The following ZNF423 variants were observed in gnomAD, a reference collection of about 807,000 sequenced individuals.
ZNF423 encodes the protein Ebf-associated zinc finger protein.
ZNF423 carries 12 observed loss-of-function variants against 95.8 expected under a neutral mutation model. The ratio of observed to expected loss-of-function variants is 0.13; its 90% CI spans 0.08 to 0.20. The LOEUF is 0.20. ZNF423 is among the 10% of genes least tolerant of loss of function. The pLI, the probability that ZNF423 is intolerant of heterozygous loss-of-function variation, is 1.00. For synonymous variants in ZNF423, 749 were observed against 711.9 expected, an observed-to-expected ratio of 1.05 and a Z score of -0.83; for missense variants, 1,316 against 1,737.1, an observed-to-expected ratio of 0.76 and a Z score of 4.31.
chr16:49,533,461 C>T (rs952033156), intron 5 of ZNF423, among the ~76,000 whole-genome samples: 5 of 152,200 alleles, frequency 3.3e-5, no homozygotes, highest in Admixed American at 1.3e-4. Flanking sequence ...GTACTTTGCT[C>T]GCTCTCTCCT....
rs982378529 is a variant in ZNF423, at chr16:49,637,578, C to T, written c.1598G>A (p.Gly533Asp). The T allele has an allele frequency of 4.3e-6, 7 of 1,613,872 alleles. No individual in the cohort carries two copies. The highest frequency in any genetic ancestry group is 5.9e-6 in the Non-Finnish European group (7 of 1,180,046). ...NAFFCNQCSMGFLTESSLTEH... is the reference protein window; with the variant it reads ...NAFFCNQCSMDFLTESSLTEH... ...GGTGAGGGAGGACTCAGTAAGGAAA[C>T]CCATGGAGCACTGGTTGCAGAAGAA... Residue 533 changes from glycine to aspartate, a missense_variant, in exon 4 of 8, where the codon GGT (glycine) becomes GAT (aspartate). By Grantham distance (94) the Gly-to-Asp change is moderately conservative. Coordinates refer to ENST00000563137, the MANE Select transcript of ZNF423 (RefSeq NM_001379286.1). This position sits in a 1 kb window ranked among gnomAD's most constrained non-coding sequence, Gnocchi z 5.6.
chr16:49,705,062 C>T (rs933467101), intron 3 of ZNF423, among the ~76,000 whole-genome samples: 30 of 152,348 alleles, frequency 2.0e-4, no homozygotes, highest in African/African-American at 6.0e-4. Context: ...GGTTAAATGA[C>T]AGCACGGTGG....
Position 49,855,212 on chromosome 16 carries a change from C to A in ZNF423, c.40+523G>T, listed in dbSNP as rs533260702. ...CTCGCCGACAGCGCCCGCCGCTCCC[C>A]GCGTCCTCGGGCGACCAGGCAGGGG... On this transcript the variant is annotated intron_variant, in intron 1 of 7. Transcript: ENST00000563137. The surrounding 1 kb of genome is among the most constrained non-coding windows in gnomAD (Gnocchi z 4.7). Among the ~76,000 whole-genome samples the A allele has an allele frequency of 7.7e-6, 1 of 130,712 alleles. No homozygotes were observed. Among genetic ancestry groups the A allele is most frequent in the Non-Finnish European group, 1.8e-5 (1 of 57,034 alleles). The allele number at this position is 130,712 out of a possible 152,430, so 85.8% of individuals were successfully genotyped here.
chr16:49,708,299 T>C (rs1285682822), intron 3 of ZNF423: 4 of 152,030 alleles, frequency 2.6e-5, no homozygotes, highest in African/African-American at 7.2e-5. Flanking sequence ...TTCTTTTCTT[T>C]TTTTTTTCTT....
chr16:49,686,660 C>T (rs1414207885), intron 3 of ZNF423, among the ~76,000 whole-genome samples: 5 of 145,098 alleles, frequency 3.4e-5, no homozygotes, highest in Admixed American at 2.1e-4. Context: ...ACCTGCCAGG[C>T]TTCCTACCTA....
rs565725626 is a variant in ZNF423 at position 49,751,487 on chromosome 16, T to C, written c.101-20516A>G. On this transcript the variant is annotated intron_variant, in intron 2 of 7. Transcript: ENST00000563137. ...ATCCTAGCACTTTGGGAGGCAGAGA[T>C]GGGAGCCCACATGAGCCACCGTGCC... 2.6e-5 allele frequency among the ~76,000 whole-genome samples: 4 copies of C among 152,290 alleles called. No homozygotes were observed. In the East Asian group the frequency reaches 7.7e-4, roughly 29 times the overall value.
intron 5 of ZNF423, among the ~76,000 whole-genome samples, chr16:49,535,847 A>C (rs1362782164): frequency 6.6e-6 from 1 of 152,198 alleles, no homozygotes; most frequent in African/African-American, 2.4e-5. Context: ...CTTCAGATTA[A>C]AGTTTTCAAC....
intron 3 of ZNF423, among the ~76,000 whole-genome samples, chr16:49,730,196 A>G (rs1257854078): frequency 1.3e-5 from 2 of 152,064 alleles, no homozygotes; most frequent in African/African-American, 4.8e-5. Context: ...GGTCTTACAC[A>G]CCCTCTCCAA....
chr16:49,527,176 A>G (rs953576353), intron 5 of ZNF423, among the ~76,000 whole-genome samples: 4 of 151,868 alleles, frequency 2.6e-5, no homozygotes, highest in Non-Finnish European at 4.4e-5. Context: ...GCGCACACAC[A>G]CACGTGCACA....
chr16:49,521,309 T>C (rs926218505), intron 7 of ZNF423, among the ~76,000 whole-genome samples: 5 of 152,240 alleles, frequency 3.3e-5, no homozygotes, highest in Non-Finnish European at 5.9e-5. Flanking sequence ...GTAGTTTATA[T>C]GCACTCACGG....
chr16:49,496,898 C>T (rs530837230), intron 7 of ZNF423, among the ~76,000 whole-genome samples: 1 of 152,288 alleles, frequency 6.6e-6, no homozygotes, highest in East Asian at 1.9e-4. Context: ...CAGTGAGGGC[C>T]TCATAGAGGT....
At chr16:49,591,683 G>A (rs995586643) in intron 5 of ZNF423, among the ~76,000 whole-genome samples, 3 of 152,170 alleles carry the variant, frequency 2.0e-5, no homozygotes, top group Middle Eastern at 3.4e-3. Context: ...GCAAAAGTCT[G>A]TGCATTATAA....
intron 2 of ZNF423, among the ~76,000 whole-genome samples, chr16:49,734,818 G>T (rs998837909): frequency 6.6e-6 from 1 of 152,158 alleles, no homozygotes; most frequent in Non-Finnish European, 1.5e-5. Flanking sequence ...TTTTGCCCAG[G>T]CATGCCCCAA....
intron 1 of ZNF423, chr16:49,854,210 G>T: frequency 1.0e-6 from 1 of 985,424 alleles, no homozygotes; most frequent in Non-Finnish European, 1.2e-6. Context: ...ACCAGCCAGG[G>T]TGAGGCGAAC....
intron 1 of ZNF423, among the ~76,000 whole-genome samples, chr16:49,811,870 G>A (rs1439503276): frequency 1.3e-5 from 2 of 151,912 alleles, no homozygotes; most frequent in South Asian, 2.1e-4. Context: ...AGGCTGGCCA[G>A]CCACCGCCAG....
intron 3 of ZNF423, among the ~76,000 whole-genome samples, chr16:49,691,202 G>C (rs374242971): frequency 2.7e-4 from 41 of 152,354 alleles, no homozygotes; most frequent in Middle Eastern, 6.8e-3. Context: ...TCTGATCTTC[G>C]AAGTTTCCAA....
intron 1 of ZNF423, among the ~76,000 whole-genome samples, chr16:49,803,580 C>A (rs1196391557): frequency 6.6e-6 from 1 of 152,044 alleles, no homozygotes; most frequent in Non-Finnish European, 1.5e-5. Context: ...TAGAAGTCTG[C>A]GCTAGGTAGC....
intron 5 of ZNF423, among the ~76,000 whole-genome samples, chr16:49,559,245 T>C (rs528182003): frequency 2.0e-5 from 3 of 152,326 alleles, no homozygotes; most frequent in East Asian, 3.9e-4. Flanking sequence ...CCCTGGGATA[T>C]TGCCACTTCC....
chr16:49,508,205 T>C (rs1197310461), intron 7 of ZNF423, among the ~76,000 whole-genome samples: 1 of 152,170 alleles, frequency 6.6e-6, no homozygotes, highest in African/African-American at 2.4e-5. Flanking sequence ...CTCTTTATGA[T>C]GATGGAAATT....
Sources: allele counts gnomAD v4.1 joint callset (sites outside exome capture counted in the v4.1 genomes callset), GRCh38; gene constraint gnomAD v4.1.1; non-coding constraint Gnocchi (gnomAD v3.1); transcripts MANE v1.5; gene names NCBI Gene and HGNC (gene_info 2026-07-23, HGNC 2026-07-21).